The following IDE variants were observed in gnomAD, a reference collection of about 807,000 sequenced individuals.
IDE encodes insulin degrading enzyme.
IDE carries 58 observed loss-of-function variants against 133.2 expected under a neutral mutation model. The observed-to-expected ratio is 0.44, with a 90% CI of 0.35 to 0.54. IDE has a LOEUF of 0.54. Ranked by LOEUF, IDE falls within the 20% of genes least tolerant of loss-of-function variation. The probability of loss-of-function intolerance (pLI) is 0.00; values close to 1 mark genes in which losing one functional copy is unlikely to be tolerated. For missense variants in IDE, 981 were observed against 1,234.0 expected (o/e 0.79, Z 3.07); for synonymous variants, 396 against 421.3 (o/e 0.94, Z 0.73).
At chr10:92,570,623 T>G (rs1843737548) in intron 1 of IDE, among the ~76,000 whole-genome samples, 1 of 152,136 alleles carries the variant, frequency 6.6e-6, no homozygotes, top group Non-Finnish European at 1.5e-5. Context: ...AACCAGTGTT[T>G]ATGAAACATA....
At chr10:92,538,450 G>C (rs1018222519) in intron 1 of IDE, among the ~76,000 whole-genome samples, 1 of 152,144 alleles carries the variant, frequency 6.6e-6, no homozygotes, top group Non-Finnish European at 1.5e-5. Context: ...GCAATAACAA[G>C]GACATAAAAC....
Position 92,572,997 on chromosome 10 carries a change from T to C in IDE, c.98+925A>G, listed in dbSNP as rs991402067. The stretch of plus-strand genomic sequence containing the variant: ...TTGGAAGGCAGACACATACTTTACA[T>C]AGAGGGTCCAGCACAGTGCCCTGCA... On this transcript the variant is annotated intron_variant, in intron 1 of 24. Coordinates refer to ENST00000265986, the MANE Select transcript of IDE (RefSeq NM_004969.4). The C allele has an allele frequency of 6.1e-6, 6 of 985,086 alleles. No homozygotes were observed. The African/African-American group carries it at 7.0e-5, about 11-fold the overall frequency. 61.0% of individuals were successfully genotyped at this position (985,086 alleles called of 1,614,324 possible).
intron 21 of IDE, 40 bp downstream of exon 21, chr10:92,463,691 C>A (rs1166328323): frequency 1.9e-6 from 3 of 1,564,856 alleles, no homozygotes; most frequent in Non-Finnish European, 2.6e-6. Flanking sequence ...TCAAATGTTA[C>A]TTGAATGCCA....
chr10:92,515,559 C>T (rs1434361263), intron 4 of IDE, among the ~76,000 whole-genome samples: 9 of 132,454 alleles, frequency 6.8e-5, no homozygotes, highest in Admixed American at 5.4e-4. Flanking sequence ...GCGCACCCGG[C>T]CTTTTTTTTT....
At chr10:92,518,952 G>A (rs1158036809) in intron 4 of IDE, among the ~76,000 whole-genome samples, 7 of 152,130 alleles carry the variant, frequency 4.6e-5, no homozygotes, top group African/African-American at 9.7e-5. Context: ...CATTTGTAAC[G>A]TTCTCTTTCT....
chr10:92,541,472 C>T, intron 1 of IDE: 1 of 237,078 alleles, frequency 4.2e-6, no homozygotes. Context: ...CTCCAATAAG[C>T]AAGCATACTG....
rs187036548 is a variant in IDE at position 92,501,612 on chromosome 10, G to C, written c.1430+3182C>G. On this transcript the variant is annotated intron_variant, in intron 11 of 24. Coordinates refer to ENST00000265986, the MANE Select transcript of IDE (RefSeq NM_004969.4). ...TTGATCCTGGGATGTGGAGGTTGCA[G>C]TGAGCCGAGATTGCGCCACTGCACT... Among the ~76,000 whole-genome samples, 64 of 151,716 alleles carry C rather than the reference G, an allele frequency of 4.2e-4. 1 individual carries two copies. The highest frequency in any genetic ancestry group is 1.3e-3 in the African/African-American group (55 of 41,350).
intron 13 of IDE, among the ~76,000 whole-genome samples, chr10:92,485,077 G>A (rs2135433545): frequency 6.6e-6 from 1 of 151,290 alleles, no homozygotes; most frequent in East Asian, 1.9e-4. Flanking sequence ...AAAACTGTGT[G>A]AGATAATAAT....
intron 23 of IDE, 35 bp downstream of exon 23, chr10:92,456,324 A>C (rs1845005537): frequency 6.7e-7 from 1 of 1,490,664 alleles, no homozygotes; most frequent in African/African-American, 1.4e-5. Context: ...CAGATGGCTC[A>C]ACATGAGCCT....
chr10:92,565,618 T>C (rs551900896), intron 1 of IDE, among the ~76,000 whole-genome samples: 1 of 152,124 alleles, frequency 6.6e-6, no homozygotes, highest in Non-Finnish European at 1.5e-5. Context: ...CCCCACCGCA[T>C]CTAAACATAG....
intron 16 of IDE, 41 bp from the exon 17 acceptor site, chr10:92,475,002 T>C: frequency 6.6e-7 from 1 of 1,514,954 alleles, no homozygotes; most frequent in Non-Finnish European, 9.0e-7. Context: ...TATAAATCTT[T>C]TAAAAATCAT....
intron 3 of IDE, among the ~76,000 whole-genome samples, chr10:92,532,745 T>A (rs556382481): frequency 1.3e-5 from 2 of 152,220 alleles, no homozygotes; most frequent in South Asian, 4.1e-4. Context: ...AAACTTTACA[T>A]CCCATTTTAT....
intron 5 of IDE, among the ~76,000 whole-genome samples, chr10:92,511,062 T>C (rs919442026): frequency 1.3e-5 from 2 of 148,318 alleles, no homozygotes; most frequent in African/African-American, 4.9e-5. Flanking sequence ...AAATTACTAT[T>C]ATCCTAAAAA....
chr10:92,539,273 A>G (rs1172789807), intron 1 of IDE, among the ~76,000 whole-genome samples: 3 of 152,036 alleles, frequency 2.0e-5, no homozygotes, highest in African/African-American at 7.2e-5. Flanking sequence ...AAAGATCAAC[A>G]TATCACACTA....
chr10:92,543,632 A>C (rs1462748173), intron 1 of IDE, among the ~76,000 whole-genome samples: 2 of 152,174 alleles, frequency 1.3e-5, no homozygotes, highest in Non-Finnish European at 2.9e-5. Context: ...TCAACAAATA[A>C]ACCCTTAAAT....
chr10:92,566,002 GA>G (rs5787004), intron 1 of IDE, among the ~76,000 whole-genome samples: 39,694 of 143,052 alleles, frequency 0.28, 5,437 homozygotes, highest in Admixed American at 0.32. Flanking sequence ...TTATCTGAAA[GA>G]AAAAAAAAAA....
chr10:92,490,588 T>C lies in IDE; in HGVS notation c.1438A>G (p.Ile480Val). ...KLRPENVRVA[I>V]VSKSFEGKTD... ...TTTCCTTCAAAAGATTTAGAAACTA[T>C]GGCAACCCTAGAGATAGAAAAAACA... The change falls in exon 12 of 25, where the codon ATA becomes GTA. Residue 480 changes from isoleucine to valine, a missense_variant. This residue lies in a region of IDE where 660 missense variants were observed against 894.7 expected (regional missense o/e 0.74). Coordinates refer to ENST00000265986, the MANE Select transcript of IDE (RefSeq NM_004969.4). 1 of 1,601,066 alleles carries C rather than the reference T, an allele frequency of 6.2e-7. No individual in the cohort carries two copies. Among genetic ancestry groups the C allele is most frequent in the Non-Finnish European group, 8.6e-7 (1 of 1,168,398 alleles).
At chr10:92,502,426 C>T (rs1488256015) in intron 11 of IDE, among the ~76,000 whole-genome samples, 2 of 152,028 alleles carry the variant, frequency 1.3e-5, no homozygotes, top group Non-Finnish European at 2.9e-5. Flanking sequence ...ATAAATACTT[C>T]TTTTAATTTT....
chr10:92,494,518 G>T (rs757100175), intron 11 of IDE, among the ~76,000 whole-genome samples: 30 of 151,884 alleles, frequency 2.0e-4, no homozygotes, highest in Non-Finnish European at 4.0e-4. Context: ...AAGGCGAGTG[G>T]GTCACTTAAG....
Sources: gnomAD v4.1 joint callset for allele counts (sites outside exome capture counted in the v4.1 genomes callset) on GRCh38, gnomAD v4.1.1 for gene constraint, gnomAD v4.1.1 regional missense constraint, MANE v1.5 for transcripts, NCBI Gene and HGNC (gene_info 2026-07-23, HGNC 2026-07-21) for gene names.